ZFYVE9: variants seen among roughly 807,000 people sequenced by gnomAD.
The protein encoded by ZFYVE9 is zinc finger FYVE domain-containing protein 9.
Under a neutral mutation model 126.7 loss-of-function variants are expected in ZFYVE9, and 43 were observed. The ratio of observed to expected loss-of-function variants is 0.34; its 90% CI spans 0.27 to 0.44. The LOEUF (loss-of-function observed/expected upper bound fraction) is 0.44, where lower values mean the gene tolerates loss of function less well. ZFYVE9 is among the 20% of genes least tolerant of loss of function. The probability of loss-of-function intolerance (pLI) is 1.00; values close to 1 mark genes in which losing one functional copy is unlikely to be tolerated. For synonymous variants in ZFYVE9, 521 were observed against 597.4 expected (o/e 0.87, Z 1.87); for missense variants, 1,476 against 1,697.0 (o/e 0.87, Z 2.29).
chr1:52,307,837 C>T (rs558317417), intron 13 of ZFYVE9, among the ~76,000 whole-genome samples: 11 of 151,728 alleles, frequency 7.2e-5, no homozygotes, highest in African/African-American at 1.5e-4. Context: ...CTGCAAGCTC[C>T]GCCTCCCGGG....
At chr1:52,221,696 C>T (rs958272771) in intron 2 of ZFYVE9, among the ~76,000 whole-genome samples, 8 of 152,046 alleles carry the variant, frequency 5.3e-5, no homozygotes, top group Non-Finnish European at 8.8e-5. Flanking sequence ...TGGTGGCCTC[C>T]GTGTTTGTGG....
At chr1:52,265,219 G>C (rs942635362) in intron 5 of ZFYVE9, among the ~76,000 whole-genome samples, 1 of 151,968 alleles carries the variant, frequency 6.6e-6, no homozygotes, top group East Asian at 1.9e-4. Context: ...GGCTTAGCCC[G>C]GTCTTTTTCT....
At chr1:52,335,985 A>G (rs1646384799) in intron 15 of ZFYVE9, among the ~76,000 whole-genome samples, 1 of 152,052 alleles carries the variant, frequency 6.6e-6, no homozygotes, top group South Asian at 2.1e-4. Context: ...AATACAAAAA[A>G]CAGCCAAGCG....
At position 52,180,230 on chromosome 1, in the gene ZFYVE9, G is replaced by A. The variant is rs931007655; in HGVS notation, c.-142-36139G>A. On this transcript the variant is annotated intron_variant, in intron 1 of 18. Coordinates refer to ENST00000287727, the MANE Select transcript of ZFYVE9 (RefSeq NM_004799.4). The stretch of plus-strand genomic sequence containing the variant: ...TTCCCCTCTGTGCCCTGATAAATCA[G>A]CACCTCAGTGGAGTTGCCAGGAAGT... 1.8e-5 allele frequency: 29 copies of A among 1,603,332 alleles called. No individual in the cohort carries two copies. The African/African-American group carries it at 3.6e-4, about 20-fold the overall frequency.
chr1:52,213,370 G>A (rs973654053), intron 1 of ZFYVE9, among the ~76,000 whole-genome samples: 1 of 152,156 alleles, frequency 6.6e-6, no homozygotes, highest in Admixed American at 6.5e-5. Context: ...ACAGGATGAG[G>A]CCAGGTGCGG....
intron 4 of ZFYVE9, among the ~76,000 whole-genome samples, chr1:52,259,336 A>G (rs1288020372): frequency 6.6e-6 from 1 of 152,164 alleles, no homozygotes; most frequent in East Asian, 1.9e-4. Context: ...GTTAGGAGTT[A>G]AGACTTCAGC....
At chr1:52,290,092 A>T (rs1264961884) in intron 10 of ZFYVE9, among the ~76,000 whole-genome samples, 2 of 152,250 alleles carry the variant, frequency 1.3e-5, no homozygotes, top group African/African-American at 2.4e-5. Context: ...GGAATACCAC[A>T]GACTGGATAA....
At chr1:52,205,361 C>G (rs1488502433) in intron 1 of ZFYVE9, among the ~76,000 whole-genome samples, 1 of 151,786 alleles carries the variant, frequency 6.6e-6, no homozygotes, top group Non-Finnish European at 1.5e-5. Flanking sequence ...AGGGTGAAGC[C>G]ACCAAACCCA....
Position 52,295,902 on chromosome 1 carries a change from A to G in ZFYVE9, c.3258A>G (p.Pro1086=). 6.2e-7 allele frequency: 1 copy of G among 1,613,328 alleles called. No homozygotes were observed. Among genetic ancestry groups the G allele is most frequent in the Non-Finnish European group, 8.5e-7 (1 of 1,179,676 alleles). The change falls in exon 12 of 19, where the codon CCA becomes CCG. Residue 1086 remains proline, a synonymous_variant. Coordinates refer to ENST00000287727, the MANE Select transcript of ZFYVE9 (RefSeq NM_004799.4). ...LRLGAEYRLY[P]CPLFSVRFRK... ...CATTTCTCATTTCCATAGTTTATCC[A>G]TGCCCACTATTCAGTGTCAGATTTC...
chr1:52,266,596 G>C (rs957558646), intron 5 of ZFYVE9, 59 bp from the exon 6 acceptor site: 1 of 1,417,232 alleles, frequency 7.1e-7, no homozygotes, highest in African/African-American at 1.4e-5. Flanking sequence ...ATATTGTGGA[G>C]GTCTTGATGT....
At chr1:52,297,797 A>G (rs1645992846) in intron 12 of ZFYVE9, among the ~76,000 whole-genome samples, 1 of 151,536 alleles carries the variant, frequency 6.6e-6, no homozygotes, top group Non-Finnish European at 1.5e-5. Context: ...ATCTCGGCTC[A>G]CTGCAACCTC....
At chr1:52,177,936 G>C (rs1644654088) in intron 1 of ZFYVE9, among the ~76,000 whole-genome samples, 2 of 149,520 alleles carry the variant, frequency 1.3e-5, no homozygotes, top group Non-Finnish European at 3.0e-5. Flanking sequence ...ACTATGAAAA[G>C]TAGTTTTGTT....
intron 1 of ZFYVE9, among the ~76,000 whole-genome samples, chr1:52,168,755 A>G (rs770508084): frequency 2.2e-4 from 34 of 152,066 alleles, no homozygotes; most frequent in Middle Eastern, 3.2e-3. Context: ...GGATCAAGCA[A>G]TATTCCTGCC....
chr1:52,216,710 G>C (rs773394113), intron 2 of ZFYVE9, among the ~76,000 whole-genome samples: 1 of 152,202 alleles, frequency 6.6e-6, no homozygotes, highest in East Asian at 1.9e-4. Context: ...TCCCAGTGCT[G>C]GCTCCTTCGT....
chr1:52,290,173 C>A (rs1645904114), intron 10 of ZFYVE9, among the ~76,000 whole-genome samples: 2 of 152,306 alleles, frequency 1.3e-5, no homozygotes, highest in Admixed American at 1.3e-4. Flanking sequence ...GGGTAGGCAT[C>A]TGGTGAGGAC....
intron 17 of ZFYVE9, among the ~76,000 whole-genome samples, chr1:52,342,140 C>G (rs992600733): frequency 6.6e-6 from 1 of 152,220 alleles, no homozygotes; most frequent in Non-Finnish European, 1.5e-5. Flanking sequence ...CCAGTGCATC[C>G]AGGTACGGGG....
chr1:52,316,790 A>G (rs1330863230), intron 13 of ZFYVE9, among the ~76,000 whole-genome samples: 1 of 152,224 alleles, frequency 6.6e-6, no homozygotes, highest in East Asian at 1.9e-4. Context: ...AGGAAGTAGT[A>G]AATAGAAAAT....
chr1:52,203,823 C>T (rs902950420), intron 1 of ZFYVE9, among the ~76,000 whole-genome samples: 1 of 151,768 alleles, frequency 6.6e-6, no homozygotes, highest in African/African-American at 2.4e-5. Flanking sequence ...AGATTCTTTC[C>T]TCAGTCATGT....
chr1:52,163,357 G>C (rs1644480934), intron 1 of ZFYVE9, among the ~76,000 whole-genome samples: 1 of 152,174 alleles, frequency 6.6e-6, no homozygotes, highest in Admixed American at 6.5e-5. Flanking sequence ...CTAAATATGA[G>C]ACAAGTCTTG....
Sources: gnomAD v4.1 joint callset for allele counts (sites outside exome capture counted in the v4.1 genomes callset) on GRCh38, gnomAD v4.1.1 for gene constraint, MANE v1.5 for transcripts, NCBI Gene and HGNC (gene_info 2026-07-23, HGNC 2026-07-21) for gene names.